The following ATP7B variants were observed in gnomAD, a reference collection of about 807,000 sequenced individuals.
ATP7B encodes the protein copper-transporting ATPase 2.
Under a neutral mutation model 118.9 loss-of-function variants are expected in ATP7B, and 113 were observed. The observed-to-expected ratio is 0.95, with a 90% CI of 0.82 to 1.11. The LOEUF (loss-of-function observed/expected upper bound fraction) is 1.11, where lower values mean the gene tolerates loss of function less well. Ranked by LOEUF, ATP7B falls within the 50% of genes most tolerant of loss-of-function variation. ATP7B has a pLI of 0.00. For missense variants in ATP7B, 1,867 were observed against 1,871.4 expected, an observed-to-expected ratio of 1.00 and a Z score of 0.04; for synonymous variants, 777 against 727.4, an observed-to-expected ratio of 1.07 and a Z score of -1.10.
chr13:51,951,615 T>C (rs1204730647), intron 9 of ATP7B, among the ~76,000 whole-genome samples: 1 of 151,960 alleles, frequency 6.6e-6, no homozygotes, highest in Non-Finnish European at 1.5e-5. Context: ...CTAGAACTCA[T>C]CCCTGAGACA....
intron 3 of ATP7B, 119 bp from the exon 4 acceptor site, chr13:51,968,726 C>A (rs1212956922): frequency 5.6e-6 from 7 of 1,240,174 alleles, no homozygotes; most frequent in Non-Finnish European, 8.1e-6. Flanking sequence ...CAGCAGTTTT[C>A]AAACACTGTT....
At chr13:51,964,012 C>T (rs1314849506) in intron 5 of ATP7B, among the ~76,000 whole-genome samples, 3 of 151,252 alleles carry the variant, frequency 2.0e-5, no homozygotes, top group African/African-American at 7.3e-5. Flanking sequence ...AATCATGCCA[C>T]TGCACTCCAG....
intron 9 of ATP7B, among the ~76,000 whole-genome samples, chr13:51,951,252 G>C (rs1330432234): frequency 2.0e-5 from 3 of 152,022 alleles, no homozygotes; most frequent in Non-Finnish European, 4.4e-5. Flanking sequence ...CTGAATATGA[G>C]GGTAAAGAAA....
chr13:51,971,507 T>C (rs1177672890), intron 2 of ATP7B, among the ~76,000 whole-genome samples: 1 of 152,222 alleles, frequency 6.6e-6, no homozygotes, highest in African/African-American at 2.4e-5. Context: ...AATATGTAAG[T>C]TCAGTGCTAA....
rs1276549639 is a variant in ATP7B at position 52,002,818 on chromosome 13, T to C, written c.51+8469A>G. Among the ~76,000 whole-genome samples the C allele has an allele frequency of 3.3e-5, 5 of 152,192 alleles. No individual in the cohort carries two copies. The South Asian group carries it at 1.0e-3, about 32-fold the overall frequency. On this transcript the variant is annotated intron_variant, in intron 1 of 20. Coordinates refer to ENST00000242839, the MANE Select transcript of ATP7B (RefSeq NM_000053.4). The stretch of plus-strand genomic sequence containing the variant: ...GCATATAAAAGTTATGTTTACACTA[T>C]AGTCTATCAAGTGTGCAATAGCATT...
chr13:51,958,135 G>T (rs1433359833), intron 8 of ATP7B, 176 bp downstream of exon 8: 17 of 707,812 alleles, frequency 2.4e-5, no homozygotes, highest in Non-Finnish European at 3.8e-5. Context: ...GATTTCAGAA[G>T]TAGTGACCAA....
intron 1 of ATP7B, among the ~76,000 whole-genome samples, chr13:52,003,544 T>C (rs1038875697): frequency 6.6e-6 from 1 of 152,058 alleles, no homozygotes; most frequent in Non-Finnish European, 1.5e-5. Flanking sequence ...TACCAAAATG[T>C]GGCATGAAGT....
In ATP7B at chr13:51,974,761, G is replaced by A. The variant is rs1009053966; in HGVS notation, c.459C>T (p.Thr153=). The A allele has an allele frequency of 4.3e-6, 7 of 1,614,012 alleles. No individual in the cohort carries two copies. The highest frequency in any genetic ancestry group is 5.1e-6 in the Non-Finnish European group (6 of 1,180,008). Reference sequence around the variant, plus strand: ...CAATGGAGCTGACACAGGACTGGCAGGTCATGCCCTCCACCCGGAGCTTGA... The same window carrying A: ...CAATGGAGCTGACACAGGACTGGCAAGTCATGCCCTCCACCCGGAGCTTGA... The part of the protein sequence containing the change: ...AVVKLRVEGM[T]CQSCVSSIEG... The change falls in exon 2 of 21, where the codon ACC becomes ACT. Residue 153 remains threonine, a synonymous_variant. Transcript: ENST00000242839.
rs1055020881 is a variant in ATP7B, at chr13:51,933,945, C to T, written c.*811G>A. ...GACTCTCAGGTCAGGCTCTGAGGCC[C>T]TCACTCCAGCTGGTCAGCAACAACA... On this transcript the variant is annotated 3_prime_UTR_variant, in exon 21 of 21. Transcript: ENST00000242839. 2 of 152,348 alleles carry T rather than the reference C, an allele frequency of 1.3e-5. No individual in the cohort carries two copies. Among genetic ancestry groups the T allele is most frequent in the African/African-American group, 4.8e-5 (2 of 41,426 alleles). The allele number at this position is 152,348 out of a possible 1,614,324, so 9.4% of individuals were successfully genotyped here.
intron 2 of ATP7B, among the ~76,000 whole-genome samples, chr13:51,972,126 T>G (rs953016561): frequency 2.6e-5 from 4 of 152,110 alleles, no homozygotes; most frequent in African/African-American, 9.7e-5. Flanking sequence ...CTTCAGCATT[T>G]CTCTCAACCA....
chr13:51,955,676 G>A (rs1958291810), intron 9 of ATP7B, among the ~76,000 whole-genome samples: 1 of 152,182 alleles, frequency 6.6e-6, no homozygotes, highest in South Asian at 2.1e-4. Context: ...ACCCTAGCAA[G>A]GCGAGTTGGA....
intron 4 of ATP7B, among the ~76,000 whole-genome samples, chr13:51,965,856 T>C (rs1951521697): frequency 6.6e-6 from 1 of 152,194 alleles, no homozygotes. Flanking sequence ...ATGATGTGAC[T>C]GGAGCTGCAT....
At chr13:52,002,161 A>G (rs1185482227) in intron 1 of ATP7B, among the ~76,000 whole-genome samples, 3 of 152,158 alleles carry the variant, frequency 2.0e-5, no homozygotes, top group Non-Finnish European at 4.4e-5. Context: ...CTTGACACTT[A>G]AAGAATTTCT....
chr13:51,946,521 A>C, intron 12 of ATP7B, 43 bp from the exon 13 acceptor site: 1 of 1,604,914 alleles, frequency 6.2e-7, no homozygotes, highest in Non-Finnish European at 8.5e-7. Context: ...GAGTTCAATA[A>C]GGAAGCTCCC....
Position 51,965,025 on chromosome 13 carries a change from C to A in ATP7B, c.1716G>T (p.Gly572=), listed in dbSNP as rs371467098. The A allele has an allele frequency of 1.9e-6, 3 of 1,613,964 alleles. No individual in the cohort carries two copies. The African/African-American group carries it at 4.0e-5, about 22-fold the overall frequency. Residue 572 remains glycine (G), a synonymous_variant, in exon 5 of 21, where the codon GGG becomes GGT. Coordinates refer to ENST00000242839, the MANE Select transcript of ATP7B (RefSeq NM_000053.4). The stretch of plus-strand genomic sequence containing the variant: ...TGTGGACACAGGACGCGCAGGTCAT[C>A]CCTGTGATCTGCAACACAGGATGGC... ...SDGNIELTIT[G]MTCASCVHNI...
At chr13:51,970,094 G>T (rs989594720) in intron 3 of ATP7B, among the ~76,000 whole-genome samples, 7 of 152,106 alleles carry the variant, frequency 4.6e-5, no homozygotes, top group African/African-American at 1.7e-4. Flanking sequence ...TGGTTTACAG[G>T]AACAACAAGA....
intron 5 of ATP7B, 48 bp from the exon 6 acceptor site, chr13:51,961,961 G>C: frequency 6.7e-7 from 1 of 1,500,724 alleles, no homozygotes. Context: ...AAGGTACTTG[G>C]TTAAAATATG....
chr13:51,946,431 AG>A lies in ATP7B; in HGVS notation c.2912del (p.Ala971ValfsTer51). 1 of 1,614,226 alleles carries A rather than the reference AG, an allele frequency of 6.2e-7. No individual in the cohort carries two copies. Among genetic ancestry groups the A allele is most frequent in the Non-Finnish European group, 8.5e-7 (1 of 1,180,042 alleles). ...ISQTEVIIRF[A>X]FQTSITVLCI... Reference sequence around the variant, plus strand: ...ACAGCACCGTGATGGACGTCTGGAAAGCAAACCGGATGATCACCTCTGTCTG... The same window carrying A: ...ACAGCACCGTGATGGACGTCTGGAAACAAACCGGATGATCACCTCTGTCTG... On this transcript the variant is annotated frameshift_variant, in exon 13 of 21. Coordinates refer to ENST00000242839, the MANE Select transcript of ATP7B (RefSeq NM_000053.4). LOFTEE classifies it high-confidence loss of function.
chr13:51,969,355 C>A (rs1951729045), intron 3 of ATP7B, among the ~76,000 whole-genome samples: 1 of 151,938 alleles, frequency 6.6e-6, no homozygotes, highest in African/African-American at 2.4e-5. Flanking sequence ...TGGACACATT[C>A]TCACTCAGGC....
Sources: gnomAD v4.1 joint callset for allele counts (sites outside exome capture counted in the v4.1 genomes callset) on GRCh38, gnomAD v4.1.1 for gene constraint, MANE v1.5 for transcripts, NCBI Gene and HGNC (gene_info 2026-07-23, HGNC 2026-07-21) for gene names.